PRKCE: variants seen among roughly 807,000 people sequenced by gnomAD.
The protein encoded by PRKCE is protein kinase C epsilon type.
A neutral mutation model predicts 85.4 loss-of-function variants in PRKCE; 16 were observed. That is an observed-to-expected ratio of 0.19 (90% CI 0.13 to 0.28). The LOEUF is 0.28. Among genes scored for constraint, PRKCE ranks in the 10% least tolerant of loss-of-function variants. The probability of loss-of-function intolerance (pLI) is 1.00; values close to 1 mark genes in which losing one functional copy is unlikely to be tolerated. For missense variants in PRKCE, 573 were observed against 975.2 expected (o/e 0.59, Z 5.49); for synonymous variants, 388 against 371.5 (o/e 1.04, Z -0.51).
At chr2:46,116,193 C>A (rs945497879) in intron 11 of PRKCE, among the ~76,000 whole-genome samples, 1 of 152,208 alleles carries the variant, frequency 6.6e-6, no homozygotes, top group Non-Finnish European at 1.5e-5. Context: ...TCTCTTGGAT[C>A]CTCCAAGGTA....
chr2:45,903,892 T>TTTG (rs1553445474), intron 2 of PRKCE, among the ~76,000 whole-genome samples: 2 of 121,714 alleles, frequency 1.6e-5, no homozygotes, highest in African/African-American at 6.7e-5. Context: ...TTTTTTTTTG[T>TTTG]TTGTTTGTTT....
At chr2:45,949,714 A>G (rs1232939489) in intron 2 of PRKCE, among the ~76,000 whole-genome samples, 1 of 151,774 alleles carries the variant, frequency 6.6e-6, no homozygotes, top group Non-Finnish European at 1.5e-5. Context: ...TTTCTCCCCC[A>G]GTTTGACAAC....
chr2:46,056,886 A>C (rs1433837081), intron 10 of PRKCE, among the ~76,000 whole-genome samples: 1 of 152,226 alleles, frequency 6.6e-6, no homozygotes, highest in African/African-American at 2.4e-5. Flanking sequence ...GATAGGGGAA[A>C]CTTGGACCTG....
chr2:45,733,074 G>C (rs1681728579), intron 1 of PRKCE, among the ~76,000 whole-genome samples: 1 of 152,148 alleles, frequency 6.6e-6, no homozygotes, highest in Admixed American at 6.5e-5. Context: ...TATAAACAAA[G>C]GCAGTGACTG....
chr2:45,676,666 G>A (rs567590452), intron 1 of PRKCE: 5 of 152,398 alleles, frequency 3.3e-5, no homozygotes, highest in South Asian at 4.1e-4. Context: ...ATAATGAAGA[G>A]AGTAATAGAA....
intron 1 of PRKCE, among the ~76,000 whole-genome samples, chr2:45,811,006 G>T (rs781321926): frequency 6.6e-6 from 1 of 152,156 alleles, no homozygotes; most frequent in Non-Finnish European, 1.5e-5. Flanking sequence ...GAGTATATTT[G>T]CTTTCTCTTA....
intron 1 of PRKCE, among the ~76,000 whole-genome samples, chr2:45,678,676 T>C (rs1572915459): frequency 1.3e-5 from 2 of 151,112 alleles, no homozygotes; most frequent in East Asian, 3.9e-4. Context: ...CAGAAGTTTA[T>C]CATGTAATTA....
intron 1 of PRKCE, among the ~76,000 whole-genome samples, chr2:45,815,484 T>C (rs973757915): frequency 6.6e-6 from 1 of 152,212 alleles, no homozygotes; most frequent in Admixed American, 6.5e-5. Context: ...TTGTCTCCTG[T>C]CAGGTTCCAA....
intron 10 of PRKCE, among the ~76,000 whole-genome samples, chr2:46,065,509 T>G (rs1452711763): frequency 1.3e-5 from 2 of 152,182 alleles, no homozygotes; most frequent in African/African-American, 4.8e-5. Flanking sequence ...GTAAAAAATT[T>G]GTTGTTCTTC....
chr2:45,766,876 C>T (rs1356645911), intron 1 of PRKCE, among the ~76,000 whole-genome samples: 1 of 152,036 alleles, frequency 6.6e-6, no homozygotes, highest in Non-Finnish European at 1.5e-5. Context: ...CCCATCTCTA[C>T]TAAAATACAA....
intron 10 of PRKCE, among the ~76,000 whole-genome samples, chr2:46,067,952 G>C (rs747476796): frequency 9.9e-5 from 15 of 152,168 alleles, no homozygotes; most frequent in Non-Finnish European, 2.1e-4. Flanking sequence ...TATTGCAAGA[G>C]AATGCACATT....
At chr2:45,894,771 G>A (rs1696003592) in intron 2 of PRKCE, among the ~76,000 whole-genome samples, 1 of 152,206 alleles carries the variant, frequency 6.6e-6, no homozygotes, top group South Asian at 2.1e-4. Context: ...CGCCCAGGCT[G>A]GAGTGCAATG....
At chr2:45,787,589 T>C (rs1686707621) in intron 1 of PRKCE, among the ~76,000 whole-genome samples, 2 of 152,210 alleles carry the variant, frequency 1.3e-5, no homozygotes, top group African/African-American at 4.8e-5. Context: ...ACAAGACTCA[T>C]GCTATGGAAA....
In PRKCE at chr2:45,895,216, C is replaced by G. The variant is rs373420680; in HGVS notation, c.412+52153C>G. Among the ~76,000 whole-genome samples, 18 of 152,232 alleles carry G rather than the reference C, an allele frequency of 1.2e-4. No individual in the cohort carries two copies. The East Asian group carries it at 3.5e-3, about 29-fold the overall frequency. Reference sequence around the variant, plus strand: ...GTTGGATGAGGCACATGTTTCTAGACTACTCTCCATTTTATTTTCTCACTT... The same window carrying G: ...GTTGGATGAGGCACATGTTTCTAGAGTACTCTCCATTTTATTTTCTCACTT... On this transcript the variant is annotated intron_variant, in intron 2 of 14. Transcript: ENST00000306156. The surrounding 1 kb of genome is among the most constrained non-coding windows in gnomAD (Gnocchi z 4.8).
intron 10 of PRKCE, among the ~76,000 whole-genome samples, chr2:46,084,926 T>C (rs1469814603): frequency 6.6e-6 from 1 of 152,108 alleles, no homozygotes; most frequent in African/African-American, 2.4e-5. Flanking sequence ...AAATCCTCCA[T>C]GGCCTCCCAA....
chr2:45,986,020 G>A (rs939746455), intron 6 of PRKCE, among the ~76,000 whole-genome samples: 1 of 152,252 alleles, frequency 6.6e-6, no homozygotes, highest in African/African-American at 2.4e-5. Context: ...ATAACACCAT[G>A]AGGGTGGGTA....
chr2:46,083,684 T>C (rs927649343), intron 10 of PRKCE, among the ~76,000 whole-genome samples: 15 of 152,172 alleles, frequency 9.9e-5, no homozygotes, highest in African/African-American at 3.6e-4. Context: ...GCCCGGAAAC[T>C]TGTTAGAGGA....
At chr2:46,181,640 C>T (rs1316595871) in intron 14 of PRKCE, among the ~76,000 whole-genome samples, 1 of 152,194 alleles carries the variant, frequency 6.6e-6, no homozygotes, top group African/African-American at 2.4e-5. Context: ...TACCACTATG[C>T]TCAGTTGACC....
intron 6 of PRKCE, among the ~76,000 whole-genome samples, chr2:45,994,669 A>T (rs1181911316): frequency 6.6e-6 from 1 of 152,180 alleles, no homozygotes; most frequent in Non-Finnish European, 1.5e-5. Flanking sequence ...GATATACCAT[A>T]GTTTATCCGT....
Sources: gnomAD v4.1 joint callset for allele counts (sites outside exome capture counted in the v4.1 genomes callset) on GRCh38, gnomAD v4.1.1 for gene constraint, Gnocchi (gnomAD v3.1) non-coding constraint, MANE v1.5 for transcripts, NCBI Gene and HGNC (gene_info 2026-07-23, HGNC 2026-07-21) for gene names.